Variants in ZC3HAV1 observed in about 807,000 individuals in gnomAD.
ZC3HAV1 encodes zinc finger CCCH-type antiviral protein 1.
ZC3HAV1 carries 41 observed loss-of-function variants against 86.6 expected under a neutral mutation model. The observed-to-expected ratio is 0.47, with a 90% confidence interval of 0.37 to 0.61. ZC3HAV1 has a LOEUF of 0.61. Ranked by LOEUF, ZC3HAV1 falls within the 20% of genes least tolerant of loss-of-function variation. The probability of loss-of-function intolerance (pLI) is 0.00; values close to 1 mark genes in which losing one functional copy is unlikely to be tolerated. For missense variants in ZC3HAV1, 964 were observed against 1,141.1 expected, an observed-to-expected ratio of 0.84 and a Z score of 2.24; for synonymous variants, 421 against 432.1, an observed-to-expected ratio of 0.97 and a Z score of 0.32.
chr7:139,052,862 G>T (rs937983743), intron 12 of ZC3HAV1, among the ~76,000 whole-genome samples: 1 of 151,784 alleles, frequency 6.6e-6, no homozygotes, highest in Admixed American at 6.6e-5. Context: ...CCAGGAGGTT[G>T]AGGCTGCAGT....
intron 4 of ZC3HAV1, 132 bp downstream of exon 4, chr7:139,079,338 C>T (rs896596238): frequency 6.4e-7 from 1 of 1,567,584 alleles, no homozygotes; most frequent in African/African-American, 1.3e-5. Context: ...TCTGCCTTGA[C>T]TGCCATTGTT....
At chr7:139,092,747 G>A (rs1301321102) in intron 1 of ZC3HAV1, among the ~76,000 whole-genome samples, 4 of 152,222 alleles carry the variant, frequency 2.6e-5, no homozygotes, top group African/African-American at 9.6e-5. Context: ...GGGGTCCGTG[G>A]TGCTGCCCAC....
intron 1 of ZC3HAV1, among the ~76,000 whole-genome samples, chr7:139,105,019 T>G (rs1216011645): frequency 3.5e-5 from 4 of 113,782 alleles, no homozygotes; most frequent in African/African-American, 1.4e-4. Context: ...GGTGACAGAG[T>G]GAGACTCTGT....
At chr7:139,093,810 G>A (rs1235286050) in intron 1 of ZC3HAV1, among the ~76,000 whole-genome samples, 2 of 152,138 alleles carry the variant, frequency 1.3e-5, no homozygotes, top group African/African-American at 4.8e-5. Flanking sequence ...TCACACGGAC[G>A]CGAGTGAAAA....
intron 1 of ZC3HAV1, among the ~76,000 whole-genome samples, chr7:139,095,229 A>G (rs1817550263): frequency 6.6e-6 from 1 of 152,138 alleles, no homozygotes; most frequent in Non-Finnish European, 1.5e-5. Context: ...CCCTAACGCG[A>G]TATTATTTTA....
chr7:139,086,339 G>A (rs1253100946), intron 2 of ZC3HAV1, among the ~76,000 whole-genome samples: 2 of 152,202 alleles, frequency 1.3e-5, no homozygotes, highest in African/African-American at 4.8e-5. Context: ...ACTCTGACGA[G>A]TGGAAAACAG....
At chr7:139,060,512 A>G (rs1816411333) in intron 9 of ZC3HAV1, 5 of 994,640 alleles carry the variant, frequency 5.0e-6, no homozygotes, top group Non-Finnish European at 6.0e-6. Context: ...CTCATCCTCT[A>G]TAAATCGTGT....
intron 7 of ZC3HAV1, among the ~76,000 whole-genome samples, chr7:139,066,417 A>G (rs1326103011): frequency 6.6e-6 from 1 of 152,142 alleles, no homozygotes; most frequent in Admixed American, 6.5e-5. Flanking sequence ...GCATGGTGGG[A>G]GCAGAAAGCA....
At chr7:139,094,419 C>T (rs539583961) in intron 1 of ZC3HAV1, among the ~76,000 whole-genome samples, 3 of 150,856 alleles carry the variant, frequency 2.0e-5, no homozygotes, top group African/African-American at 7.3e-5. Context: ...ACAAAACAAG[C>T]GTTTGCAGAA....
chr7:139,060,857 C>T, intron 9 of ZC3HAV1, 179 bp downstream of exon 9: 1 of 1,518,128 alleles, frequency 6.6e-7, no homozygotes, highest in Non-Finnish European at 8.8e-7. Context: ...AGTATCCTTT[C>T]AGTCACACCA....
chr7:139,089,129 A>AAAGG (rs1817359633), intron 2 of ZC3HAV1, among the ~76,000 whole-genome samples: 1 of 147,620 alleles, frequency 6.8e-6, no homozygotes, highest in African/African-American at 2.5e-5. Flanking sequence ...AAAAAAAAAA[A>AAAGG]GGGTGGCAGG....
At chr7:139,094,810 TC>T (rs1817537070) in intron 1 of ZC3HAV1, among the ~76,000 whole-genome samples, 2 of 151,894 alleles carry the variant, frequency 1.3e-5, no homozygotes, top group South Asian at 4.2e-4. Context: ...CCCGGGTGAT[TC>T]CCACGTGCAG....
intron 1 of ZC3HAV1, among the ~76,000 whole-genome samples, chr7:139,093,127 A>G (rs1040320685): frequency 1.3e-5 from 2 of 152,130 alleles, no homozygotes; most frequent in African/African-American, 4.8e-5. Flanking sequence ...CGATAATCCT[A>G]CTTTGGGAAA....
chr7:139,068,665 T>C (rs114774829), intron 7 of ZC3HAV1, among the ~76,000 whole-genome samples: 2,386 of 152,320 alleles, frequency 0.016, 61 homozygotes, highest in African/African-American at 0.054. Context: ...ACTAAGTCAG[T>C]GTCTGAGTAC....
At chr7:139,051,637 T>C (rs1321482489) in intron 12 of ZC3HAV1, among the ~76,000 whole-genome samples, 2 of 152,148 alleles carry the variant, frequency 1.3e-5, no homozygotes, top group Non-Finnish European at 2.9e-5. Flanking sequence ...TTGCCCAAGC[T>C]GGTCTCCAAC....
At chr7:139,097,738 C>G (rs1817650337) in intron 1 of ZC3HAV1, among the ~76,000 whole-genome samples, 1 of 151,442 alleles carries the variant, frequency 6.6e-6, no homozygotes, top group African/African-American at 2.4e-5. Context: ...CCGGCCGGAA[C>G]TCCTTATATT....
intron 1 of ZC3HAV1, among the ~76,000 whole-genome samples, chr7:139,101,252 G>A (rs1342186479): frequency 6.6e-6 from 1 of 151,592 alleles, no homozygotes; most frequent in East Asian, 2.0e-4. Context: ...CGCAGCCTCT[G>A]CCCTGCCGCC....
intron 11 of ZC3HAV1, 151 bp from the exon 12 acceptor site, chr7:139,053,732 T>C (rs1400785084): frequency 8.6e-7 from 1 of 1,166,576 alleles, no homozygotes; most frequent in East Asian, 2.6e-5. Flanking sequence ...AGCTGTACAA[T>C]AATAAATTTA....
At chr7:139,054,611 T>G (rs1816227068) in intron 10 of ZC3HAV1, among the ~76,000 whole-genome samples, 1 of 152,202 alleles carries the variant, frequency 6.6e-6, no homozygotes, top group African/African-American at 2.4e-5. Context: ...AAAATAGAGA[T>G]GTTAATATCC....
Sources: allele counts gnomAD v4.1 joint callset (sites outside exome capture counted in the v4.1 genomes callset), GRCh38; gene constraint gnomAD v4.1.1; transcripts MANE v1.5; gene names NCBI Gene and HGNC (gene_info 2026-07-23, HGNC 2026-07-21).